The following NEB variants were observed in gnomAD, a reference collection of about 807,000 sequenced individuals.
The protein encoded by NEB is nebulin.
Under a neutral mutation model 952.2 loss-of-function variants are expected in NEB, and 512 were observed. That is an observed-to-expected ratio of 0.54 (90% CI 0.50 to 0.58). The LOEUF (loss-of-function observed/expected upper bound fraction) is 0.58. NEB is among the 20% of genes least tolerant of loss of function. NEB has a pLI of 0.00. For missense variants in NEB, 8,428 were observed against 9,231.1 expected (o/e 0.91, Z 3.56); for synonymous variants, 2,900 against 3,149.8 (o/e 0.92, Z 2.66).
chr2:151,563,883 G>A lies in NEB; in HGVS notation c.18519C>T (p.Thr6173=), dbSNP rs745448583. The A allele has an allele frequency of 3.2e-5, 52 of 1,612,518 alleles. No individual in the cohort carries two copies. The highest frequency in any genetic ancestry group is 4.2e-5 in the Non-Finnish European group (50 of 1,179,368). ...CAATGGGAATGTAGCGCTCATCCAGGGTGTAGCCATAGGCCTTGGTGCCCT... is the reference window on the plus strand; with the variant it reads ...CAATGGGAATGTAGCGCTCATCCAGAGTGTAGCCATAGGCCTTGGTGCCCT... ...AWEGTKAYGY[T]LDERYIPIVG... The change falls in exon 118 of 182, where the codon ACC becomes ACT. Residue 6173 remains threonine, a synonymous_variant. Transcript: ENST00000397345.
chr2:151,651,867 C>T (rs890662170), intron 52 of NEB, among the ~76,000 whole-genome samples: 1 of 152,114 alleles, frequency 6.6e-6, no homozygotes, highest in African/African-American at 2.4e-5. Context: ...AAAAGCAGTG[C>T]CATAGATTTT....
intron 72 of NEB, among the ~76,000 whole-genome samples, chr2:151,620,343 GTGTGTATATATATA>G (rs1409159134): frequency 0.032 from 1,557 of 48,874 alleles, 37 homozygotes; most frequent in Admixed American, 0.048. Flanking sequence ...ATATGTATGT[GTGTGTATATATATA>G]TATATATATA....
Position 151,692,304 on chromosome 2 carries a change from G to T in NEB, c.1955C>A (p.Thr652Asn), listed in dbSNP as rs1401658176. 6.2e-7 allele frequency: 1 copy of T among 1,613,572 alleles called. No homozygotes were observed. The highest frequency in any genetic ancestry group is 8.5e-7 in the Non-Finnish European group (1 of 1,179,810). The change falls in exon 21 of 182, where the codon ACC becomes AAC. Residue 652 changes from threonine to asparagine, a missense_variant. This residue lies in a region of NEB where 2,851 missense variants were observed against 2,791.5 expected (regional missense o/e 1.02). Coordinates refer to ENST00000397345, the MANE Select transcript of NEB (RefSeq NM_001164508.2). ...TKAKSMNYCETPKYQLDTQLK... is the reference protein window; with the variant it reads ...TKAKSMNYCENPKYQLDTQLK... The stretch of plus-strand genomic sequence containing the variant: ...CTGAGTATCAAGTTGATATTTTGGG[G>T]TCTCACAGTAATTCATACTCTTTGC...
At chr2:151,506,427 A>T (rs2068903362) in intron 163 of NEB, 169 bp from the exon 164 acceptor site, 5 of 597,004 alleles carry the variant, frequency 8.4e-6, no homozygotes, top group Non-Finnish European at 1.5e-5. Flanking sequence ...TCAGTGACTC[A>T]GACCAGTTAT....
chr2:151,614,856 G>T (rs549640295), intron 76 of NEB, among the ~76,000 whole-genome samples: 1 of 152,200 alleles, frequency 6.6e-6, no homozygotes, highest in African/African-American at 2.4e-5. Context: ...ATACCACACT[G>T]CTCAGTTTAC....
At chr2:151,641,052 T>C (rs1232864567) in intron 60 of NEB, among the ~76,000 whole-genome samples, 2 of 152,294 alleles carry the variant, frequency 1.3e-5, no homozygotes, top group East Asian at 1.9e-4. Flanking sequence ...CAAAATTTCA[T>C]TGAGTATCTA....
chr2:151,578,600 G>A (rs2096968093), intron 105 of NEB, among the ~76,000 whole-genome samples: 1 of 151,748 alleles, frequency 6.6e-6, no homozygotes, highest in Admixed American at 6.6e-5. Context: ...GGCAGAGGTT[G>A]CAGTGAGCTG....
chr2:151,641,018 A>C (rs1055797074), intron 60 of NEB, among the ~76,000 whole-genome samples: 1 of 152,154 alleles, frequency 6.6e-6, no homozygotes, highest in Non-Finnish European at 1.5e-5. Context: ...ATTCTCCTGC[A>C]TGGGTTTTAT....
intron 36 of NEB, 52 bp from the exon 37 acceptor site, chr2:151,672,732 G>A (rs914644741): frequency 2.1e-5 from 30 of 1,437,138 alleles, no homozygotes; most frequent in Middle Eastern, 1.9e-4. Context: ...TAGCATTAGC[G>A]CTGCAATTAC....
At chr2:151,547,846 C>A in intron 131 of NEB, 108 bp from the exon 132 acceptor site, 1 of 712,258 alleles carries the variant, frequency 1.4e-6, no homozygotes, top group Non-Finnish European at 2.3e-6. Context: ...GAGGAAATAT[C>A]GAGGATATAG....
Position 151,729,665 on chromosome 2 carries a change from A to G in NEB, c.37-9T>C. 2.5e-6 allele frequency: 4 copies of G among 1,613,310 alleles called. No individual in the cohort carries two copies. The highest frequency in any genetic ancestry group is 3.4e-6 in the Non-Finnish European group (4 of 1,179,430). Reference sequence around the variant, plus strand: ...ACTTCTTCTGTGTAGTACTGTAAATAGAGCACAAAGGCATTGGCAAGAGAA... The same window carrying G: ...ACTTCTTCTGTGTAGTACTGTAAATGGAGCACAAAGGCATTGGCAAGAGAA... On this transcript the variant is annotated splice_polypyrimidine_tract_variant and intron_variant, in intron 3 of 181. Transcript: ENST00000397345.
chr2:151,576,485 CATATATATAT>C (rs1167680131), intron 105 of NEB, 131 bp from the exon 106 acceptor site: 778 of 54,130 alleles, frequency 0.014, 16 homozygotes, highest in Middle Eastern at 0.044. Context: ...AACATAAATA[CATATATATAT>C]ATATATATAT....
Position 151,655,797 on chromosome 2 carries a change from AC to A in NEB, c.6702+19del. 2 of 1,611,552 alleles carry A rather than the reference AC, an allele frequency of 1.2e-6. No individual in the cohort carries two copies. The highest frequency in any genetic ancestry group is 1.7e-6 in the Non-Finnish European group (2 of 1,178,158). ...CTTTCCTCACGTGGGAGCTGTGTGG[AC>A]GGCCACTGTTCTCTGTACCTTGTTC... On this transcript the variant is annotated intron_variant, in intron 50 of 181. Transcript: ENST00000397345.
intron 168 of NEB, 147 bp downstream of exon 168, chr2:151,501,244 A>G: frequency 1.9e-6 from 1 of 532,804 alleles, no homozygotes. Flanking sequence ...GGTGAGTAGG[A>G]GATCTGGAAA....
rs2097912533 is a variant in NEB, at chr2:151,610,605, A to G, written c.11929T>C (p.Trp3977Arg). The change falls in exon 80 of 182, where the codon TGG (tryptophan) becomes CGG (arginine). Residue 3977 changes from tryptophan to arginine, a missense_variant. This residue lies in a region of NEB where 337 missense variants were observed against 297.5 expected (regional missense o/e 1.13). Transcript: ENST00000397345. ...TAGTCCTTCATCTTTGATTCATCCC[A>G]TCCCTTGGTGTAAAGTTTCTAGGGA... ...NISQKLYTKG[W>R]DESKMKDYDL... 1.2e-6 allele frequency: 2 copies of G among 1,613,060 alleles called. No homozygotes were observed. The highest frequency in any genetic ancestry group is 1.7e-6 in the Non-Finnish European group (2 of 1,179,150).
chr2:151,526,591 G>A (rs2086189409), intron 148 of NEB, among the ~76,000 whole-genome samples: 1 of 152,198 alleles, frequency 6.6e-6, no homozygotes, highest in African/African-American at 2.4e-5. Context: ...AAACTGTAGT[G>A]AAGGGAAAGT....
chr2:151,655,829 A>T lies in NEB; in HGVS notation c.6690T>A (p.His2230Gln). Residue 2230 changes from histidine to glutamine, a missense_variant, in exon 50 of 182, where the codon CAT (histidine) becomes CAA (glutamine). This residue lies in a region of NEB where 2,851 missense variants were observed against 2,791.5 expected (regional missense o/e 1.02). Coordinates refer to ENST00000397345, the MANE Select transcript of NEB (RefSeq NM_001164508.2). Reference protein sequence around the residue: ...MDMVLAKQNAHTMNKHLYTID... With the variant: ...MDMVLAKQNAQTMNKHLYTID... Reference sequence around the variant, plus strand: ...CTGTTCTCTGTACCTTGTTCATGGTATGTGCATTCTGCTTGGCAAGCACCA... The same window carrying T: ...CTGTTCTCTGTACCTTGTTCATGGTTTGTGCATTCTGCTTGGCAAGCACCA... 1 of 1,613,516 alleles carries T rather than the reference A, an allele frequency of 6.2e-7. No homozygotes were observed. Among genetic ancestry groups the T allele is most frequent in the Non-Finnish European group, 8.5e-7 (1 of 1,179,688 alleles).
chr2:151,521,603 GAAT>G (rs1480198281), intron 153 of NEB, among the ~76,000 whole-genome samples: 2 of 152,166 alleles, frequency 1.3e-5, no homozygotes, highest in Admixed American at 6.5e-5. Context: ...TCTCAAATGA[GAAT>G]AAAATCTGCT....
In NEB at chr2:151,583,909, A is replaced by C. The variant is rs2097170917; in HGVS notation, c.15664-143T>G. 1.8e-5 allele frequency: 15 copies of C among 821,248 alleles called. 5 individuals carry two copies. The South Asian group carries it at 3.0e-4, about 16-fold the overall frequency. The allele number at this position is 821,248 out of a possible 1,614,324, so 50.9% of individuals were successfully genotyped here. On this transcript the variant is annotated intron_variant, in intron 100 of 181. Transcript: ENST00000397345. ...TGGCAGTCATTACATATTTCAGTTC[A>C]CTTTAAAGAAGTTAGATAATACGAT...
Sources: allele counts gnomAD v4.1 joint callset (sites outside exome capture counted in the v4.1 genomes callset), GRCh38; gene constraint gnomAD v4.1.1; regional missense constraint gnomAD v4.1.1; transcripts MANE v1.5; gene names NCBI Gene and HGNC (gene_info 2026-07-23, HGNC 2026-07-21).